The following DOCK2 variants were observed in gnomAD, a reference collection of about 807,000 sequenced individuals.
The protein encoded by DOCK2 is dedicator of cytokinesis 2, also known as dedicator of cytokinesis protein 2.
Under a neutral mutation model 248.9 loss-of-function variants are expected in DOCK2, and 87 were observed. The ratio of observed to expected loss-of-function variants is 0.35; its 90% confidence interval spans 0.29 to 0.42. The LOEUF is 0.42. Among genes scored for constraint, DOCK2 ranks in the 10% least tolerant of loss-of-function variants. The pLI is 1.00. For synonymous variants in DOCK2, 805 were observed against 821.6 expected (o/e 0.98, Z 0.35); for missense variants, 1,747 against 2,300.2 (o/e 0.76, Z 4.92).
intron 27 of DOCK2, among the ~76,000 whole-genome samples, chr5:169,920,145 G>T (rs1372143840): frequency 1.3e-5 from 2 of 152,126 alleles, no homozygotes; most frequent in East Asian, 1.9e-4. Context: ...CTCAGGGAGG[G>T]TAACACCGTA....
In DOCK2 at chr5:170,004,954, T is replaced by G. The variant is rs112569822; in HGVS notation, c.3073-3543T>G. ...AGGGGGGAGGGATAGCATTGGGAGATATACCTAATGCTAGATGACGAGTTA... is the reference window on the plus strand; with the variant it reads ...AGGGGGGAGGGATAGCATTGGGAGAGATACCTAATGCTAGATGACGAGTTA... On this transcript the variant is annotated intron_variant, in intron 30 of 51. Transcript: ENST00000520908. 9.5e-3 allele frequency among the ~76,000 whole-genome samples: 1,336 copies of G among 140,966 alleles called. 28 individuals carry two copies. The highest frequency in any genetic ancestry group is 0.031 in the African/African-American group (1,184 of 37,606). The allele number at this position is 140,966 out of a possible 152,430, so 92.5% of individuals were successfully genotyped here. A position where few individuals can be genotyped will look rare whatever the true frequency, so the allele number is the denominator to read the frequency against.
chr5:169,743,172 C>T (rs1763416082), intron 22 of DOCK2, among the ~76,000 whole-genome samples: 1 of 152,200 alleles, frequency 6.6e-6, no homozygotes, highest in African/African-American at 2.4e-5. Flanking sequence ...AAGGGGGGGT[C>T]CCACAATGCT....
intron 22 of DOCK2, among the ~76,000 whole-genome samples, chr5:169,725,030 G>A (rs1289855003): frequency 6.6e-6 from 1 of 152,098 alleles, no homozygotes; most frequent in African/African-American, 2.4e-5. Context: ...TGTTTTTATT[G>A]TTCATGTATG....
Position 169,990,785 on chromosome 5 carries a change from G to A in DOCK2, c.2993+4863G>A, listed in dbSNP as rs77895666. 8.8e-3 allele frequency among the ~76,000 whole-genome samples: 1,344 copies of A among 152,226 alleles called. 8 individuals carry two copies. Among genetic ancestry groups the A allele is most frequent in the Middle Eastern group, 0.034 (10 of 294 alleles). On this transcript the variant is annotated intron_variant, in intron 29 of 51. Coordinates refer to ENST00000520908, the MANE Select transcript of DOCK2 (RefSeq NM_004946.3). ...TTTGGAGTGGCCTTTTCTCTCCCTT[G>A]GTGAATCTCACCAGATAGGGCATGT...
chr5:169,982,962 G>A (rs1777980076), intron 27 of DOCK2, 106 bp from the exon 28 acceptor site: 2 of 1,079,854 alleles, frequency 1.9e-6, no homozygotes, highest in Middle Eastern at 2.1e-4. Flanking sequence ...ATAGTACTCA[G>A]TAAATACTTT....
chr5:170,057,194 T>A (rs1447647758), intron 43 of DOCK2: 1 of 367,986 alleles, frequency 2.7e-6, no homozygotes, highest in Non-Finnish European at 5.1e-6. Flanking sequence ...TAAGGAGGTG[T>A]CTCCAAGTCT....
intron 1 of DOCK2, among the ~76,000 whole-genome samples, chr5:169,650,209 A>G (rs1161844521): frequency 1.3e-5 from 2 of 152,202 alleles, no homozygotes; most frequent in Admixed American, 6.5e-5. Flanking sequence ...GACAGTATCT[A>G]GCACACACTA....
At chr5:169,662,040 C>T (rs953729697) in intron 2 of DOCK2, among the ~76,000 whole-genome samples, 2 of 152,172 alleles carry the variant, frequency 1.3e-5, no homozygotes, top group African/African-American at 4.8e-5. Flanking sequence ...AACTTCCATA[C>T]CTTTTTCAAC....
chr5:169,785,460 A>G (rs1765935555), intron 25 of DOCK2, among the ~76,000 whole-genome samples: 3 of 152,200 alleles, frequency 2.0e-5, no homozygotes, highest in African/African-American at 7.2e-5. Context: ...GCATATATAG[A>G]ACAAATGGAA....
chr5:169,982,124 A>G (rs1336032023), intron 27 of DOCK2, among the ~76,000 whole-genome samples: 1 of 151,434 alleles, frequency 6.6e-6, no homozygotes, highest in Non-Finnish European at 1.5e-5. Flanking sequence ...ATCTTCCACA[A>G]GCCCGTGCTT....
intron 27 of DOCK2, among the ~76,000 whole-genome samples, chr5:169,944,962 G>A (rs1442699782): frequency 6.6e-6 from 1 of 152,094 alleles, no homozygotes; most frequent in Non-Finnish European, 1.5e-5. Context: ...ATCCTCTCTG[G>A]GGTCTATCCA....
chr5:170,049,208 G>A (rs780456954), intron 40 of DOCK2, among the ~76,000 whole-genome samples: 4 of 152,198 alleles, frequency 2.6e-5, no homozygotes, highest in Non-Finnish European at 5.9e-5. Flanking sequence ...TCTGCCTCCT[G>A]GGTTCAAGCT....
At chr5:169,700,883 G>T (rs1199845547) in intron 13 of DOCK2, among the ~76,000 whole-genome samples, 2 of 148,638 alleles carry the variant, frequency 1.3e-5, no homozygotes, top group Non-Finnish European at 3.0e-5. Flanking sequence ...GCGGGGGCAG[G>T]GAGAGAGAGA....
chr5:169,655,102 A>G (rs1020947358), intron 2 of DOCK2, among the ~76,000 whole-genome samples: 13 of 152,266 alleles, frequency 8.5e-5, no homozygotes, highest in African/African-American at 3.1e-4. Context: ...CCTTGGACTC[A>G]TAAGTCAGGC....
At chr5:169,777,947 G>A (rs752464926) in intron 25 of DOCK2, among the ~76,000 whole-genome samples, 4 of 152,134 alleles carry the variant, frequency 2.6e-5, no homozygotes, top group Middle Eastern at 3.2e-3. Context: ...TCATCCCTCC[G>A]TCTTCATTTT....
At chr5:169,986,232 A>G (rs1296212833) in intron 29 of DOCK2, among the ~76,000 whole-genome samples, 1 of 152,210 alleles carries the variant, frequency 6.6e-6, no homozygotes, top group African/African-American at 2.4e-5. Flanking sequence ...TTTAATTTTT[A>G]AAAAGTAATA....
chr5:169,829,413 AATACT>A (rs1213515273), intron 26 of DOCK2, among the ~76,000 whole-genome samples: 20 of 152,352 alleles, frequency 1.3e-4, no homozygotes, highest in African/African-American at 4.6e-4. Flanking sequence ...CCCATGCAGT[AATACT>A]GAAGATGAAT....
At chr5:169,645,181 A>T (rs1757387544) in intron 1 of DOCK2, among the ~76,000 whole-genome samples, 2 of 152,178 alleles carry the variant, frequency 1.3e-5, no homozygotes, top group African/African-American at 4.8e-5. Context: ...GCTGGGCCAA[A>T]TGGTATTTCT....
intron 8 of DOCK2, among the ~76,000 whole-genome samples, chr5:169,686,233 G>C (rs1759972197): frequency 6.6e-6 from 1 of 152,188 alleles, no homozygotes; most frequent in South Asian, 2.1e-4. Flanking sequence ...AACAGTATGG[G>C]GCCTATGACA....
Sources: allele counts gnomAD v4.1 joint callset (sites outside exome capture counted in the v4.1 genomes callset), GRCh38; gene constraint gnomAD v4.1.1; transcripts MANE v1.5; gene names NCBI Gene and HGNC (gene_info 2026-07-23, HGNC 2026-07-21).